The following TNRC6B variants were observed in gnomAD, a reference collection of about 807,000 sequenced individuals.
TNRC6B encodes trinucleotide repeat-containing gene 6B protein.
Under a neutral mutation model 203.6 loss-of-function variants are expected in TNRC6B, and 52 were observed. The ratio of observed to expected loss-of-function variants is 0.26; its 90% CI spans 0.20 to 0.32. TNRC6B has a LOEUF of 0.32. TNRC6B is among the 10% of genes least tolerant of loss of function. The pLI is 1.00. For missense variants in TNRC6B, 1,923 were observed against 2,286.2 expected, an observed-to-expected ratio of 0.84 and a Z score of 3.24; for synonymous variants, 838 against 845.7, an observed-to-expected ratio of 0.99 and a Z score of 0.16.
chr22:40,055,782 G>T (rs182922469), intron 1 of TNRC6B, among the ~76,000 whole-genome samples: 1 of 152,170 alleles, frequency 6.6e-6, no homozygotes, highest in Non-Finnish European at 1.5e-5. Flanking sequence ...TAGATCACCT[G>T]AGGTGAGTGC....
intron 1 of TNRC6B, among the ~76,000 whole-genome samples, chr22:40,203,655 A>G (rs2069441613): frequency 6.6e-6 from 1 of 152,198 alleles, no homozygotes; most frequent in Non-Finnish European, 1.5e-5. Flanking sequence ...TTCTTTCCTT[A>G]TACAGCCTGA....
intron 1 of TNRC6B, among the ~76,000 whole-genome samples, chr22:40,079,571 G>A (rs1323491729): frequency 1.4e-5 from 2 of 147,616 alleles, no homozygotes; most frequent in African/African-American, 5.3e-5. Context: ...CCAAATCTAA[G>A]TATATATATA....
Position 40,170,812 on chromosome 22 carries a change from CAT to C in TNRC6B, c.113+14635_113+14636del, listed in dbSNP as rs1328881831. Among the ~76,000 whole-genome samples, 68 of 45,676 alleles carry C rather than the reference CAT, an allele frequency of 1.5e-3. 3 individuals are homozygous for C. The highest frequency in any genetic ancestry group is 1.8e-3 in the Non-Finnish European group (51 of 27,822). The allele number at this position is 45,676 out of a possible 152,430, so 30.0% of individuals were successfully genotyped here. On this transcript the variant is annotated intron_variant, in intron 4 of 23. Coordinates refer to the TNRC6B transcript ENST00000301923. ...ATGTGTGTATATATACATATATGTACATATATGTGTGTGTATATACATATATG... is the reference window on the plus strand; with the variant it reads ...ATGTGTGTATATATACATATATGTACATATGTGTGTGTATATACATATATG...
At chr22:40,169,968 T>A (rs1383361382) in intron 4 of TNRC6B, among the ~76,000 whole-genome samples, 2 of 152,064 alleles carry the variant, frequency 1.3e-5, no homozygotes, top group Non-Finnish European at 2.9e-5. Flanking sequence ...CATAAGTATC[T>A]CAGACTTCTT....
chr22:40,152,265 A>G (rs2068764889), intron 3 of TNRC6B, among the ~76,000 whole-genome samples: 1 of 152,234 alleles, frequency 6.6e-6, no homozygotes, highest in South Asian at 2.1e-4. Flanking sequence ...GGGAGCTAGA[A>G]GACAACGGAG....
At chr22:40,227,091 A>ATTG (rs2069798632) in intron 1 of TNRC6B, among the ~76,000 whole-genome samples, 1 of 144,886 alleles carries the variant, frequency 6.9e-6, no homozygotes, top group Non-Finnish European at 1.5e-5. Flanking sequence ...TATTATTATT[A>ATTG]TTATTATTAT....
chr22:40,177,901 A>G, upstream of TNRC6B: 3 of 1,345,068 alleles, frequency 2.2e-6, no homozygotes, highest in Non-Finnish European at 2.9e-6. Flanking sequence ...CTCTATTTGA[A>G]GGTCACAAAA....
intron 11 of TNRC6B, among the ~76,000 whole-genome samples, chr22:40,284,188 C>T (rs528362703): frequency 2.0e-5 from 3 of 152,138 alleles, no homozygotes; most frequent in Admixed American, 6.5e-5. Context: ...ACATAAAATT[C>T]GTGATGAATC....
At chr22:40,296,370 C>T (rs1444085449) in intron 12 of TNRC6B, among the ~76,000 whole-genome samples, 4 of 135,990 alleles carry the variant, frequency 2.9e-5, no homozygotes, top group African/African-American at 8.4e-5. Context: ...TTCGCTCTGT[C>T]GCCCAGGCTA....
chr22:40,287,710 A>T (rs183690993), intron 12 of TNRC6B, among the ~76,000 whole-genome samples: 1 of 152,350 alleles, frequency 6.6e-6, no homozygotes, highest in East Asian at 1.9e-4. Context: ...ATCCATGGTT[A>T]TCAAATATCT....
At chr22:40,239,368 C>G (rs532076060) in intron 1 of TNRC6B, among the ~76,000 whole-genome samples, 1 of 152,316 alleles carries the variant, frequency 6.6e-6, no homozygotes, top group South Asian at 2.1e-4. Context: ...AAAGTCACTT[C>G]AGGTGCTCTG....
chr22:40,247,610 G>A (rs1020737206), intron 2 of TNRC6B, among the ~76,000 whole-genome samples: 2 of 152,120 alleles, frequency 1.3e-5, no homozygotes, highest in African/African-American at 4.8e-5. Context: ...ATAATAGACC[G>A]CTGTGCTCTT....
chr22:40,053,121 A>G (rs1392234220), intron 1 of TNRC6B, among the ~76,000 whole-genome samples: 1 of 151,482 alleles, frequency 6.6e-6, no homozygotes, highest in Non-Finnish European at 1.5e-5. Context: ...AGCTTTAGGT[A>G]TTTAACATAT....
chr22:40,304,374 A>C (rs561502100), intron 15 of TNRC6B, among the ~76,000 whole-genome samples: 90 of 152,334 alleles, frequency 5.9e-4, no homozygotes, highest in African/African-American at 2.0e-3. Flanking sequence ...TAATCCCAGC[A>C]CTTTGGGAGG....
intron 1 of TNRC6B, among the ~76,000 whole-genome samples, chr22:40,062,232 A>G (rs2067859559): frequency 6.6e-6 from 1 of 151,954 alleles, no homozygotes; most frequent in African/African-American, 2.4e-5. Context: ...ATAGAGTCTC[A>G]CTCTGTTGCC....
chr22:40,143,684 G>C (rs1245143055), intron 3 of TNRC6B, among the ~76,000 whole-genome samples: 1 of 152,154 alleles, frequency 6.6e-6, no homozygotes, highest in Non-Finnish European at 1.5e-5. Flanking sequence ...TTTTAGTAGA[G>C]ACAGGGTTTC....
intron 5 of TNRC6B, 41 bp downstream of exon 5, chr22:40,267,077 G>T: frequency 6.7e-7 from 1 of 1,482,634 alleles, no homozygotes; most frequent in East Asian, 2.4e-5. Context: ...ATGAAGAAAA[G>T]GAATCCTAGA....
intron 1 of TNRC6B, among the ~76,000 whole-genome samples, chr22:40,061,774 A>G (rs2146272089): frequency 6.6e-6 from 1 of 152,214 alleles, no homozygotes; most frequent in African/African-American, 2.4e-5. Flanking sequence ...CACTTTCGTT[A>G]TAAGAACTTT....
chr22:40,111,281 G>T (rs1351006757), intron 1 of TNRC6B, among the ~76,000 whole-genome samples: 1 of 151,424 alleles, frequency 6.6e-6, no homozygotes, highest in Non-Finnish European at 1.5e-5. Context: ...AAGGCAGTGG[G>T]GCGAGCAGGG....
Sources: allele counts gnomAD v4.1 joint callset (sites outside exome capture counted in the v4.1 genomes callset), GRCh38; gene constraint gnomAD v4.1.1; transcripts MANE v1.5; gene names NCBI Gene and HGNC (gene_info 2026-07-23, HGNC 2026-07-21).